Variants in BPIFC observed in about 807,000 individuals in gnomAD.
BPIFC encodes BPI fold-containing family C protein.
A neutral mutation model predicts 57.6 loss-of-function variants in BPIFC; 60 were observed. The observed-to-expected ratio is 1.04, with a 90% confidence interval of 0.85 to 1.29. BPIFC has a LOEUF of 1.29. Among genes scored for constraint, BPIFC ranks in the 50% most tolerant of loss-of-function variants. BPIFC has a pLI of 0.00. For missense variants in BPIFC, 581 were observed against 600.5 expected (o/e 0.97, Z 0.34); for synonymous variants, 243 against 224.5 (o/e 1.08, Z -0.74).
chr22:32,461,724 T>TCAGCAGCCAC, intron 1 of BPIFC, 63 bp from the exon 2 acceptor site: 2 of 850,972 alleles, frequency 2.4e-6, no homozygotes, highest in African/African-American at 1.8e-5. Flanking sequence ...GGGACTCAGG[T>TCAGCAGCCAC]TAGTGGCTGC....
intron 8 of BPIFC, among the ~76,000 whole-genome samples, chr22:32,439,895 G>A (rs117945105): frequency 0.13 from 19,100 of 152,240 alleles, 1,607 homozygotes; most frequent in Non-Finnish European, 0.19. Context: ...GATTACAGGT[G>A]TGGGCCACTG....
rs143897828 is a variant in BPIFC, at chr22:32,449,015, G to A, written c.246-1675C>T. ...AGGCATTGTGGTAAGTGCATTACACGCATTAGCTCATTTTAACTCTCACAG... is the reference window on the plus strand; with the variant it reads ...AGGCATTGTGGTAAGTGCATTACACACATTAGCTCATTTTAACTCTCACAG... On this transcript the variant is annotated intron_variant, in intron 4 of 16. Transcript: ENST00000300399. Among the ~76,000 whole-genome samples the A allele has an allele frequency of 3.7e-3, 569 of 152,178 alleles. 4 individuals are homozygous for A. Among genetic ancestry groups the A allele is most frequent in the African/African-American group, 0.013 (540 of 41,512 alleles).
At chr22:32,458,509 A>C (rs1204954093) in intron 2 of BPIFC, among the ~76,000 whole-genome samples, 1 of 152,102 alleles carries the variant, frequency 6.6e-6, no homozygotes, top group African/African-American at 2.4e-5. Flanking sequence ...CCAGTTACTG[A>C]TGTGTGTATT....
chr22:32,421,811 A>C (rs1933854153), intron 13 of BPIFC, among the ~76,000 whole-genome samples: 1 of 152,248 alleles, frequency 6.6e-6, no homozygotes, highest in African/African-American at 2.4e-5. Context: ...ATTAAGGTTT[A>C]ATTACAATTG....
At position 32,445,921 on chromosome 22, in the gene BPIFC, G is replaced by T. The variant is rs762961886; in HGVS notation, c.450C>A (p.Asp150Glu). 8 of 1,614,120 alleles carry T rather than the reference G, an allele frequency of 5.0e-6. No homozygotes were observed. The highest frequency in any genetic ancestry group is 6.8e-6 in the Non-Finnish European group (8 of 1,180,022). ...FTGIIILTRN[D>E]FGHPTLKLQD... ...GGAGCTTCAGGGTAGGATGACCAAA[G>T]TCATTTCGGGTTAGGATAATGATAC... is the stretch of plus-strand genomic sequence containing the variant. Residue 150 changes from aspartate to glutamate, a missense_variant, in exon 6 of 17, where the codon GAC becomes GAA. Coordinates refer to ENST00000300399, the MANE Select transcript of BPIFC (RefSeq NM_174932.3).
Position 32,445,972 on chromosome 22 carries a change from C to A in BPIFC, c.399G>T (p.Leu133=). The stretch of plus-strand genomic sequence containing the variant: ...CGGTAAAGTAGACTCCGGAGAGAAA[C>A]AGATCAGCCCCTCCTGTGTCTTGGC... ...PLFQDTGGAD[L]FLSGVYFTGI... The change falls in exon 6 of 17, where the codon CTG becomes CTT. Residue 133 remains leucine, a synonymous_variant. Coordinates refer to ENST00000300399, the MANE Select transcript of BPIFC (RefSeq NM_174932.3). The A allele has an allele frequency of 6.2e-7, 1 of 1,614,116 alleles. No homozygotes were observed. The highest frequency in any genetic ancestry group is 8.5e-7 in the Non-Finnish European group (1 of 1,180,024).
chr22:32,446,081 C>T, intron 5 of BPIFC, 85 bp from the exon 6 acceptor site: 2 of 1,491,342 alleles, frequency 1.3e-6, no homozygotes, highest in African/African-American at 1.4e-5. Context: ...AGACTCTAAG[C>T]TCCTGGACTG....
intron 13 of BPIFC, among the ~76,000 whole-genome samples, chr22:32,423,571 GGTGTGGGT>G: frequency 1.0e-5 from 1 of 96,136 alleles, no homozygotes; most frequent in South Asian, 3.1e-4. Context: ...GGAGTTGTAG[GGTGTGGGT>G]GTGTGTGTGT....
intron 13 of BPIFC, among the ~76,000 whole-genome samples, chr22:32,424,729 C>CTTCT (rs1933996020): frequency 8.3e-5 from 4 of 48,230 alleles, no homozygotes; most frequent in African/African-American, 5.2e-4. Context: ...CTTCTTCTTC[C>CTTCT]TCTTCTTCTT....
chr22:32,454,242 C>T (rs745567474), intron 3 of BPIFC, among the ~76,000 whole-genome samples: 7 of 152,084 alleles, frequency 4.6e-5, no homozygotes, highest in Non-Finnish European at 1.0e-4. Flanking sequence ...CTCTTTTTTC[C>T]TTTCAGATTC....
intron 13 of BPIFC, among the ~76,000 whole-genome samples, chr22:32,426,062 C>A (rs1435026702): frequency 6.6e-6 from 1 of 152,166 alleles, no homozygotes; most frequent in Admixed American, 6.5e-5. Context: ...TCTGTCTAGA[C>A]CACCAACACG....
intron 1 of BPIFC, 26 bp downstream of exon 1, chr22:32,464,348 A>C (rs1184923185): frequency 3.1e-6 from 3 of 980,556 alleles, no homozygotes; most frequent in Admixed American, 6.2e-5. Flanking sequence ...GCTGGCAGAG[A>C]CCTGAAGTTT....
At chr22:32,426,891 GA>G (rs71694756) in intron 13 of BPIFC, among the ~76,000 whole-genome samples, 23,103 of 96,912 alleles carry the variant, frequency 0.24, 1,883 homozygotes, top group Middle Eastern at 0.29. Context: ...GACTCTGTCT[GA>G]AAAAAAAAAA....
chr22:32,451,530 C>G (rs1314873502), intron 4 of BPIFC, among the ~76,000 whole-genome samples: 1 of 152,062 alleles, frequency 6.6e-6, no homozygotes, highest in Non-Finnish European at 1.5e-5. Context: ...ATATCACACA[C>G]CGGGGCCTGT....
chr22:32,446,912 G>A (rs957952646), intron 5 of BPIFC: 1 of 656,134 alleles, frequency 1.5e-6, no homozygotes, highest in African/African-American at 2.0e-5. Context: ...GTGATTTGTG[G>A]GTGATCGAAA....
chr22:32,416,976 G>C lies in BPIFC; in HGVS notation c.1324+109C>G, dbSNP rs1325726225. 6.0e-6 allele frequency: 6 copies of C among 992,280 alleles called. No individual in the cohort carries two copies. The East Asian group carries it at 1.4e-4, about 24-fold the overall frequency. The allele number at this position is 992,280 out of a possible 1,614,324, so 61.5% of individuals were successfully genotyped here. A position where few individuals can be genotyped will look rare whatever the true frequency, so the allele number is the denominator to read the frequency against. On this transcript the variant is annotated intron_variant, in intron 15 of 16. Coordinates refer to ENST00000300399, the MANE Select transcript of BPIFC (RefSeq NM_174932.3). ...GGCCTGGATTCATGATAACATGATA[G>C]AAGTACAAGCTTCAGGGTGGAAAGT...
At chr22:32,444,708 A>G (rs9621451) in intron 7 of BPIFC, among the ~76,000 whole-genome samples, 24,870 of 152,124 alleles carry the variant, frequency 0.16, 2,267 homozygotes, top group Non-Finnish European at 0.21. Context: ...TCCTGGAAAT[A>G]CCTCTTCTTA....
At position 32,442,737 on chromosome 22, in the gene BPIFC, C is replaced by A; in HGVS notation, c.595-6G>T. On this transcript the variant is annotated splice_polypyrimidine_tract_variant and splice_region_variant and intron_variant, in intron 7 of 16. Transcript: ENST00000300399. ...CTTGCAATAATGGGACAGAGCTGGCCACAAAGGAATAAAAAGAAAAAAGCA... is the reference window on the plus strand; with the variant it reads ...CTTGCAATAATGGGACAGAGCTGGCAACAAAGGAATAAAAAGAAAAAAGCA... 1 of 1,613,204 alleles carries A rather than the reference C, an allele frequency of 6.2e-7. No homozygotes were observed.
chr22:32,414,136 G>A lies in BPIFC; in HGVS notation c.*167C>T. 2.7e-6 allele frequency: 2 copies of A among 740,624 alleles called. No individual in the cohort carries two copies. Among genetic ancestry groups the A allele is most frequent in the African/African-American group, 1.8e-5 (1 of 56,128 alleles). The allele number at this position is 740,624 out of a possible 1,614,324, so 45.9% of individuals were successfully genotyped here. A position where few individuals can be genotyped will look rare whatever the true frequency, so the allele number is the denominator to read the frequency against. ...GACACCTCTATTTATCCCTTTAACA[G>A]AGTCTGCCTTATTCTGGGTTCCTGA... On this transcript the variant is annotated 3_prime_UTR_variant, in exon 17 of 17. Transcript: ENST00000300399.
Sources: gnomAD v4.1 joint callset for allele counts (sites outside exome capture counted in the v4.1 genomes callset) on GRCh38, gnomAD v4.1.1 for gene constraint, MANE v1.5 for transcripts, NCBI Gene and HGNC (gene_info 2026-07-23, HGNC 2026-07-21) for gene names.